TMEM178B: variants seen among roughly 807,000 people sequenced by gnomAD.
The protein encoded by TMEM178B is transmembrane protein 178B.
A neutral mutation model predicts 31.0 loss-of-function variants in TMEM178B; 5 were observed. The observed-to-expected ratio is 0.16, with a 90% CI of 0.08 to 0.34. The LOEUF (loss-of-function observed/expected upper bound fraction) is 0.34, where lower values mean the gene tolerates loss of function less well. Ranked by LOEUF, TMEM178B falls within the 10% of genes least tolerant of loss-of-function variation. TMEM178B has a pLI of 1.00. For missense variants in TMEM178B, 275 were observed against 400.3 expected (o/e 0.69, Z 2.67); for synonymous variants, 164 against 164.0 (o/e 1.00, Z 0.00).
intron 2 of TMEM178B, among the ~76,000 whole-genome samples, chr7:141,356,504 T>C (rs1351851804): frequency 6.6e-6 from 1 of 152,088 alleles, no homozygotes; most frequent in Non-Finnish European, 1.5e-5. Flanking sequence ...TGTTTGTTGG[T>C]CGCTTATGTG....
At chr7:141,287,274 T>C (rs999309374) in intron 2 of TMEM178B, among the ~76,000 whole-genome samples, 5 of 152,228 alleles carry the variant, frequency 3.3e-5, no homozygotes, top group African/African-American at 1.2e-4. Context: ...ATAGAACTTA[T>C]TTTAACAAGT....
chr7:141,190,103 G>A (rs1016879986), intron 1 of TMEM178B, among the ~76,000 whole-genome samples: 1 of 152,120 alleles, frequency 6.6e-6, no homozygotes, highest in African/African-American at 2.4e-5. Context: ...ATGTTCCTTG[G>A]CTTACGACAA....
At chr7:141,108,079 A>G (rs1216098133) in intron 1 of TMEM178B, among the ~76,000 whole-genome samples, 1 of 152,168 alleles carries the variant, frequency 6.6e-6, no homozygotes, top group Non-Finnish European at 1.5e-5. Flanking sequence ...GGTTATTGGT[A>G]GTATTAGCGG....
chr7:141,441,424 G>C (rs953234661), intron 3 of TMEM178B, among the ~76,000 whole-genome samples: 1 of 152,218 alleles, frequency 6.6e-6, no homozygotes, highest in African/African-American at 2.4e-5. Context: ...ACCATAGAGA[G>C]TTATCACAAA....
Position 141,360,417 on chromosome 7 carries a change from T to C in TMEM178B, c.497-77191T>C, listed in dbSNP as rs116203843. Among the ~76,000 whole-genome samples, 174 of 152,360 alleles carry C rather than the reference T, an allele frequency of 1.1e-3. 1 individual carries two copies. The highest frequency in any genetic ancestry group is 4.0e-3 in the African/African-American group (165 of 41,590). The stretch of plus-strand genomic sequence containing the variant: ...TTGCAGCTAATAAGAGGAAAGAAGA[T>C]GTCTTCTGGAGGCTTCCAGAAAGGA... On this transcript the variant is annotated intron_variant, in intron 2 of 3. Coordinates refer to ENST00000565468, the MANE Select transcript of TMEM178B (RefSeq NM_001195278.2).
intron 1 of TMEM178B, among the ~76,000 whole-genome samples, chr7:141,198,310 C>A (rs1201194036): frequency 6.6e-6 from 1 of 152,210 alleles, no homozygotes. Flanking sequence ...TGGGGAGAAG[C>A]TGGCCAGCAG....
chr7:141,104,082 A>G (rs1012155792), intron 1 of TMEM178B, among the ~76,000 whole-genome samples: 4 of 152,186 alleles, frequency 2.6e-5, no homozygotes, highest in South Asian at 2.1e-4. Flanking sequence ...GTGACCAGTT[A>G]TTTTAGTTGA....
the TMEM178B span, among the ~76,000 whole-genome samples, chr7:141,503,131 TGTGGAA>T: frequency 6.6e-6 from 1 of 152,308 alleles, no homozygotes; most frequent in South Asian, 2.1e-4. Context: ...TGAATTTCCA[TGTGGAA>T]GGTTGCCCAT....
Position 141,333,639 on chromosome 7 carries a change from G to A in TMEM178B, c.497-103969G>A, listed in dbSNP as rs151156208. On this transcript the variant is annotated intron_variant, in intron 2 of 3. Transcript: ENST00000565468. ...GGAGCAGCAGCACAGACCAGAATGG[G>A]CCAGAGCTGACCCAGACTCTGTCCA... Among the ~76,000 whole-genome samples the A allele has an allele frequency of 4.0e-3, 606 of 152,306 alleles. 2 individuals are homozygous for A. Among genetic ancestry groups the A allele is most frequent in the African/African-American group, 0.014 (580 of 41,570 alleles).
chr7:141,359,918 G>A (rs1799888797), intron 2 of TMEM178B, among the ~76,000 whole-genome samples: 2 of 152,184 alleles, frequency 1.3e-5, no homozygotes, highest in African/African-American at 4.8e-5. Flanking sequence ...GCTGGCAACA[G>A]AGCGAAAGGG....
chr7:141,439,047 A>C (rs1025324297), intron 3 of TMEM178B, among the ~76,000 whole-genome samples: 8 of 152,038 alleles, frequency 5.3e-5, no homozygotes, highest in Non-Finnish European at 1.2e-4. Context: ...CAGAGGGTGA[A>C]GGAGAGAGCC....
intron 1 of TMEM178B, among the ~76,000 whole-genome samples, chr7:141,091,318 G>T (rs1221577875): frequency 2.0e-5 from 3 of 152,118 alleles, no homozygotes; most frequent in Admixed American, 1.3e-4. Context: ...TCATAAAATG[G>T]TGGGTAACCC....
In TMEM178B at chr7:141,352,688, G is replaced by A. The variant is rs142032486; in HGVS notation, c.497-84920G>A. The A allele has an allele frequency of 2.3e-4, 35 of 152,872 alleles. No individual in the cohort carries two copies. The East Asian group carries it at 6.8e-3, about 30-fold the overall frequency. The allele number at this position is 152,872 out of a possible 1,614,324, so 9.5% of individuals were successfully genotyped here. A position where few individuals can be genotyped will look rare whatever the true frequency, so the allele number is the denominator to read the frequency against. On this transcript the variant is annotated intron_variant, in intron 2 of 3. Coordinates refer to ENST00000565468, the MANE Select transcript of TMEM178B (RefSeq NM_001195278.2). ...AGCCACCGCGCCCGGCTGGGAGTCC[G>A]CTATTCTGAAGTACCTGGTGAAACA... is the stretch of plus-strand genomic sequence containing the variant.
intron 1 of TMEM178B, among the ~76,000 whole-genome samples, chr7:141,087,456 C>T (rs979754482): frequency 2.6e-5 from 4 of 152,072 alleles, no homozygotes; most frequent in African/African-American, 9.7e-5. Context: ...CCAAGAGCCA[C>T]TAAAGTCACT....
intron 2 of TMEM178B, among the ~76,000 whole-genome samples, chr7:141,341,490 G>T (rs765049640): frequency 6.6e-6 from 1 of 152,110 alleles, no homozygotes; most frequent in Non-Finnish European, 1.5e-5. Context: ...CAGTCTGAAG[G>T]CAGCACACTC....
chr7:141,324,466 A>G, intron 2 of TMEM178B, among the ~76,000 whole-genome samples: 1 of 119,708 alleles, frequency 8.4e-6, no homozygotes, highest in Non-Finnish European at 1.6e-5. Context: ...TGAGCGATTG[A>G]AAAATGCAGC....
intron 2 of TMEM178B, among the ~76,000 whole-genome samples, chr7:141,407,184 A>G (rs1451916366): frequency 6.6e-6 from 1 of 152,234 alleles, no homozygotes; most frequent in Non-Finnish European, 1.5e-5. Flanking sequence ...GGCCCTTTAC[A>G]GGAAAAGTTT....
At chr7:141,332,502 T>G (rs571700585) in intron 2 of TMEM178B, among the ~76,000 whole-genome samples, 1 of 152,240 alleles carries the variant, frequency 6.6e-6, no homozygotes, top group Non-Finnish European at 1.5e-5. Context: ...TTTACTTTTT[T>G]TTCCTCTGTA....
intron 1 of TMEM178B, among the ~76,000 whole-genome samples, chr7:141,123,129 C>T (rs1795436039): frequency 6.6e-6 from 1 of 152,214 alleles, no homozygotes; most frequent in African/African-American, 2.4e-5. Context: ...TTGCCTTAGC[C>T]TGTCTTTTCT....
Sources: allele counts gnomAD v4.1 joint callset (sites outside exome capture counted in the v4.1 genomes callset), GRCh38; gene constraint gnomAD v4.1.1; transcripts MANE v1.5; gene names NCBI Gene and HGNC (gene_info 2026-07-23, HGNC 2026-07-21).